Variants in BCR observed in about 807,000 individuals in gnomAD.
BCR encodes the protein breakpoint cluster region protein.
A neutral mutation model predicts 138.6 loss-of-function variants in BCR; 58 were observed. That is an observed-to-expected ratio of 0.42 (90% confidence interval 0.34 to 0.52). BCR has a LOEUF of 0.52. Ranked by LOEUF, BCR falls within the 20% of genes least tolerant of loss-of-function variation. BCR has a pLI of 0.06. For missense variants in BCR, 1,599 were observed against 1,727.2 expected, an observed-to-expected ratio of 0.93 and a Z score of 1.32; for synonymous variants, 786 against 730.1, an observed-to-expected ratio of 1.08 and a Z score of -1.23.
At chr22:23,212,868 C>G (rs991632345) in intron 1 of BCR, among the ~76,000 whole-genome samples, 1 of 152,204 alleles carries the variant, frequency 6.6e-6, no homozygotes, top group African/African-American at 2.4e-5. Flanking sequence ...TGAATATTGC[C>G]CAGACCAGAA....
At chr22:23,304,431 ATAAT>A (rs917707585) in intron 16 of BCR, among the ~76,000 whole-genome samples, 5 of 152,146 alleles carry the variant, frequency 3.3e-5, no homozygotes, top group Non-Finnish European at 4.4e-5. Context: ...TTTTATGATA[ATAAT>A]TTTCCATTGC....
chr22:23,302,986 C>T (rs1452987385), intron 16 of BCR: 1 of 150,912 alleles, frequency 6.6e-6, no homozygotes, highest in African/African-American at 2.4e-5. Context: ...TGACCCCCCA[C>T]CCGTGAGAGC....
rs1431182242 is a variant in BCR at position 23,180,840 on chromosome 22, GCCGCCGC to G, written c.-119_-113del. The G allele has an allele frequency of 1.1e-5, 5 of 435,314 alleles. No individual in the cohort carries two copies. The African/African-American group carries it at 1.9e-4, about 16-fold the overall frequency. The allele number at this position is 435,314 out of a possible 1,614,324, so 27.0% of individuals were successfully genotyped here. ...GAGTGGGCGGGCATTGTTCGCCGCC[GCCGCCGC>G]CGCGCGGGCCATGGGGGCCGCCCGG... On this transcript the variant is annotated 5_prime_UTR_variant, in exon 1 of 23. Coordinates refer to ENST00000305877, the MANE Select transcript of BCR (RefSeq NM_004327.4).
At chr22:23,207,962 G>A (rs574355984) in intron 1 of BCR, among the ~76,000 whole-genome samples, 6 of 152,298 alleles carry the variant, frequency 3.9e-5, no homozygotes, top group Admixed American at 3.9e-4. Context: ...ACACACAGCT[G>A]GACAGCAGAC....
chr22:23,188,010 A>G (rs1159402196), intron 1 of BCR, among the ~76,000 whole-genome samples: 2 of 152,146 alleles, frequency 1.3e-5, no homozygotes. Flanking sequence ...CCCTTGGGTG[A>G]TGGGCTGGAC....
intron 16 of BCR, among the ~76,000 whole-genome samples, chr22:23,305,136 A>T (rs1210579763): frequency 2.0e-5 from 3 of 150,350 alleles, no homozygotes. Context: ...AAAAAGGTGC[A>T]GGATGGATCT....
In BCR at chr22:23,181,872, G is replaced by T. The variant is rs761985412; in HGVS notation, c.912G>T (p.Glu304Asp). ...TCCTGCGCAGCCAGAGCACCTCTGA[G>T]CAGGAGAAGCGCCTTACCTGGCCCC... ...GPLLRSQSTS[E>D]QEKRLTWPRR... Residue 304 changes from glutamate (E) to aspartate (D), a missense_variant, in exon 1 of 23, where the codon GAG becomes GAT. Physicochemically the swap from Glu to Asp is conservative, Grantham distance 45 (BLOSUM62 2). Around this residue, in one of 4 missense-constraint regions of BCR, gnomAD observed 806 missense variants for 635.0 expected, o/e 1.27. Transcript: ENST00000305877. 2.4e-5 allele frequency: 38 copies of T among 1,613,150 alleles called. No individual in the cohort carries two copies. In the South Asian group the frequency reaches 4.1e-4, roughly 17 times the overall value.
chr22:23,243,238 CG>C (rs2073117491), intron 1 of BCR, among the ~76,000 whole-genome samples: 1 of 152,008 alleles, frequency 6.6e-6, no homozygotes, highest in African/African-American at 2.4e-5. Flanking sequence ...AGCTGTGGGA[CG>C]GGGCTGGTTG....
chr22:23,287,597 C>T (rs1430808365), intron 11 of BCR, among the ~76,000 whole-genome samples: 1 of 152,218 alleles, frequency 6.6e-6, no homozygotes, highest in Non-Finnish European at 1.5e-5. Flanking sequence ...GCCAGAGACA[C>T]ACCTTCTGTC....
Position 23,252,432 on chromosome 22 carries a change from C to CT in BCR, c.1280-1351dup, listed in dbSNP as rs71200842. Among the ~76,000 whole-genome samples the CT allele has an allele frequency of 3.9e-3, 463 of 117,898 alleles. 6 individuals are homozygous for CT. Among genetic ancestry groups the CT allele is most frequent in the East Asian group, 0.012 (48 of 4,094 alleles). 77.3% of individuals were successfully genotyped at this position (117,898 alleles called of 152,430 possible). The stretch of plus-strand genomic sequence containing the variant: ...TTTCCCTTTCTTTTTCTTTTCTTTT[C>CT]TTTTTTTTTTTTTTTTGAGACAGAG... On this transcript the variant is annotated intron_variant, in intron 1 of 22. Coordinates refer to ENST00000305877, the MANE Select transcript of BCR (RefSeq NM_004327.4).
At chr22:23,244,878 C>T (rs2146258930) in intron 1 of BCR, among the ~76,000 whole-genome samples, 1 of 152,344 alleles carries the variant, frequency 6.6e-6, no homozygotes, top group East Asian at 1.9e-4. Flanking sequence ...GGCCCCCAAC[C>T]TGAAGCCTAG....
chr22:23,182,327 G>A, intron 1 of BCR, 88 bp downstream of exon 1: 2 of 1,386,778 alleles, frequency 1.4e-6, no homozygotes, highest in Non-Finnish European at 1.9e-6. Context: ...GAAGTTGGGA[G>A]GGAGGAGTGG....
intron 21 of BCR, 80 bp from the exon 22 acceptor site, chr22:23,314,472 A>G (rs1294980785): frequency 4.6e-6 from 7 of 1,524,454 alleles, no homozygotes; most frequent in South Asian, 1.2e-5. Context: ...CCTTCCTGAG[A>G]ACTCCAGCAC....
chr22:23,183,792 A>C (rs1407030855), intron 1 of BCR, among the ~76,000 whole-genome samples: 3 of 152,218 alleles, frequency 2.0e-5, no homozygotes, highest in Non-Finnish European at 4.4e-5. Flanking sequence ...CTGGTGGAGA[A>C]TTCTGGGTTT....
chr22:23,311,685 C>T lies in BCR; in HGVS notation c.3183-12C>T, dbSNP rs767642314. The T allele has an allele frequency of 3.5e-5, 55 of 1,578,188 alleles. No homozygotes were observed. In the East Asian group the frequency reaches 1.0e-3, roughly 30 times the overall value. ...GCTGTTAGGACACTGAGAACATTCC[C>T]TCCTCCCGCAGGAGAGAGAGGTCCA... On this transcript the variant is annotated splice_polypyrimidine_tract_variant and intron_variant, in intron 18 of 22. Transcript: ENST00000305877.
rs796303177 is a variant in BCR at position 23,275,980 on chromosome 22, A to G, written c.2115+2206A>G. ...ATCCACTGCTTTGGGGAATTAAGGA[A>G]AACGCGATGTTGTCTAGAAGTTGAC... is the stretch of plus-strand genomic sequence containing the variant. On this transcript the variant is annotated intron_variant, in intron 8 of 22. Coordinates refer to ENST00000305877, the MANE Select transcript of BCR (RefSeq NM_004327.4). 1.4e-4 allele frequency among the ~76,000 whole-genome samples: 22 copies of G among 152,272 alleles called. 1 individual carries two copies. Among genetic ancestry groups the G allele is most frequent in the African/African-American group, 5.1e-4 (21 of 41,538 alleles).
At chr22:23,187,614 G>A (rs1213124777) in intron 1 of BCR, among the ~76,000 whole-genome samples, 1 of 151,860 alleles carries the variant, frequency 6.6e-6, no homozygotes. Flanking sequence ...AATTACAGGC[G>A]TGAGCCACCA....
intron 1 of BCR, among the ~76,000 whole-genome samples, chr22:23,252,427 C>CT (rs371986661): frequency 0.17 from 20,104 of 117,244 alleles, 2,389 homozygotes; most frequent in East Asian, 0.46. Flanking sequence ...TTTTTCTTTT[C>CT]TTTTCTTTTT....
chr22:23,182,546 G>A (rs2072284375), intron 1 of BCR, among the ~76,000 whole-genome samples: 1 of 152,236 alleles, frequency 6.6e-6, no homozygotes, highest in African/African-American at 2.4e-5. Context: ...GAAGGAAGAT[G>A]CTTCAGGCAG....
Sources: allele counts gnomAD v4.1 joint callset (sites outside exome capture counted in the v4.1 genomes callset), GRCh38; gene constraint gnomAD v4.1.1; regional missense constraint gnomAD v4.1.1; transcripts MANE v1.5; gene names NCBI Gene and HGNC (gene_info 2026-07-23, HGNC 2026-07-21).